Variants in WDR7 observed in about 807,000 individuals in gnomAD.
WDR7 encodes the protein WD repeat-containing protein 7.
WDR7 carries 46 observed loss-of-function variants against 169.4 expected under a neutral mutation model. The observed-to-expected ratio is 0.27, with a 90% CI of 0.21 to 0.35. The LOEUF (loss-of-function observed/expected upper bound fraction) is 0.35. Ranked by LOEUF, WDR7 falls within the 10% of genes least tolerant of loss-of-function variation. The pLI, the probability that WDR7 is intolerant of heterozygous loss-of-function variation, is 1.00. For missense variants in WDR7, 1,534 were observed against 1,859.3 expected (o/e 0.83, Z 3.22); for synonymous variants, 612 against 666.8 (o/e 0.92, Z 1.27).
At chr18:56,908,453 G>T (rs116386195) in intron 21 of WDR7, among the ~76,000 whole-genome samples, 1,625 of 152,178 alleles carry the variant, frequency 0.011, 33 homozygotes, top group African/African-American at 0.035. Flanking sequence ...AAACAATATG[G>T]TGTATTTCAT....
chr18:57,008,679 G>A (rs563788501), intron 26 of WDR7, among the ~76,000 whole-genome samples: 4 of 152,220 alleles, frequency 2.6e-5, no homozygotes, highest in Non-Finnish European at 4.4e-5. Context: ...ATCTCCTGCC[G>A]CTGGACAGAA....
At chr18:57,010,602 G>A (rs774438714) in intron 26 of WDR7, among the ~76,000 whole-genome samples, 28 of 152,024 alleles carry the variant, frequency 1.8e-4, no homozygotes, top group Non-Finnish European at 1.0e-4. Context: ...GGGATTTTTA[G>A]CAAACCTAAT....
At chr18:56,843,201 C>G (rs1248607365) in intron 20 of WDR7, among the ~76,000 whole-genome samples, 3 of 152,172 alleles carry the variant, frequency 2.0e-5, no homozygotes, top group Non-Finnish European at 4.4e-5. Flanking sequence ...CATTAGATCA[C>G]TTTTTTAAAC....
At chr18:56,897,921 A>G (rs1480164378) in intron 21 of WDR7, among the ~76,000 whole-genome samples, 2 of 152,024 alleles carry the variant, frequency 1.3e-5, no homozygotes, top group Admixed American at 6.6e-5. Context: ...GTGGAGACGT[A>G]TATTTCCTAC....
intron 21 of WDR7, among the ~76,000 whole-genome samples, chr18:56,884,219 C>T (rs184328840): frequency 1.7e-4 from 26 of 152,228 alleles, no homozygotes; most frequent in Non-Finnish European, 3.2e-4. Context: ...AAGGTGGTGT[C>T]GCATTGTGGT....
At position 56,669,518 on chromosome 18, in the gene WDR7, T is replaced by C. The variant is rs987143987; in HGVS notation, c.-19-2979T>C. On this transcript the variant is annotated intron_variant, in intron 1 of 27. Transcript: ENST00000254442. ...AGCCAGATTTTGATACAAACATAAA[T>C]GAAAACTCAATGTTCCTAATATTAT... 8.5e-5 allele frequency among the ~76,000 whole-genome samples: 13 copies of C among 152,218 alleles called. No homozygotes were observed. The East Asian group carries it at 2.5e-3, about 29-fold the overall frequency.
intron 21 of WDR7, among the ~76,000 whole-genome samples, chr18:56,919,181 A>C (rs538402634): frequency 2.6e-5 from 4 of 152,342 alleles, no homozygotes; most frequent in African/African-American, 4.8e-5. Context: ...CAATATGTAC[A>C]GCTGACAAAC....
chr18:56,699,110 CAA>C (rs1328192593), intron 12 of WDR7, among the ~76,000 whole-genome samples: 1 of 152,064 alleles, frequency 6.6e-6, no homozygotes, highest in African/African-American at 2.4e-5. Context: ...CTGATAAAGA[CAA>C]AGATACTTGA....
At chr18:56,892,699 A>G (rs1394521330) in intron 21 of WDR7, among the ~76,000 whole-genome samples, 1 of 152,128 alleles carries the variant, frequency 6.6e-6, no homozygotes, top group East Asian at 1.9e-4. Flanking sequence ...AAGACAACAG[A>G]AAACTACCAA....
chr18:56,975,329 A>G (rs565252523), intron 26 of WDR7, among the ~76,000 whole-genome samples: 6 of 152,260 alleles, frequency 3.9e-5, no homozygotes, highest in Non-Finnish European at 2.9e-5. Context: ...GGAGAGGATG[A>G]AGCATCAGCA....
the WDR7 span, chr18:57,034,811 AGAGAGAGAAAGTCTCTCT>A: frequency 7.2e-5 from 11 of 152,200 alleles, no homozygotes; most frequent in African/African-American, 2.6e-4. Context: ...GCTTTCTCTC[AGAGAGAGAAAGTCTCTCT>A]GAGACTCCTT....
intron 21 of WDR7, among the ~76,000 whole-genome samples, chr18:56,909,598 A>G (rs1033988457): frequency 6.6e-6 from 1 of 151,990 alleles, no homozygotes; most frequent in Non-Finnish European, 1.5e-5. Flanking sequence ...GGACATTTTT[A>G]TATGTTTTAT....
chr18:56,798,608 G>T (rs372734241), intron 19 of WDR7, among the ~76,000 whole-genome samples: 2 of 152,114 alleles, frequency 1.3e-5, no homozygotes, highest in Non-Finnish European at 2.9e-5. Context: ...GGAATAGTCT[G>T]TTTATGCTTA....
rs1226348026 is a variant in WDR7 at position 56,700,252 on chromosome 18, C to CTTTT, written c.1578+3810_1578+3813dup. Reference sequence around the variant, plus strand: ...AAAGATACTGTTTATTTTTCATTTTCTTTTTTTTTTTTTTTTTTTTTTTGA... The same window carrying CTTTT: ...AAAGATACTGTTTATTTTTCATTTTCTTTTTTTTTTTTTTTTTTTTTTTTTTTGA... On this transcript the variant is annotated intron_variant, in intron 12 of 27. Transcript: ENST00000254442. Among the ~76,000 whole-genome samples, 183 of 67,250 alleles carry CTTTT rather than the reference C, an allele frequency of 2.7e-3. 3 individuals carry two copies. The highest frequency in any genetic ancestry group is 4.8e-3 in the East Asian group (10 of 2,090). 44.1% of individuals were successfully genotyped at this position (67,250 alleles called of 152,430 possible).
rs537646963 is a variant in WDR7, at chr18:56,987,091, A to G, written c.4164+24562A>G. ...TGTCTGAGTTGCGGATCAAGTTTAC[A>G]ATAACCATGTTCACAATTGTTTTGA... On this transcript the variant is annotated intron_variant, in intron 26 of 27. Coordinates refer to ENST00000254442, the MANE Select transcript of WDR7 (RefSeq NM_015285.3). Among the ~76,000 whole-genome samples, 26 of 152,248 alleles carry G rather than the reference A, an allele frequency of 1.7e-4. No homozygotes were observed. In the South Asian group the frequency reaches 5.4e-3, roughly 32 times the overall value.
intron 1 of WDR7, among the ~76,000 whole-genome samples, chr18:56,670,174 T>G (rs1355697179): frequency 1.3e-5 from 2 of 152,220 alleles, no homozygotes; most frequent in Non-Finnish European, 1.5e-5. Context: ...TCGCTGGTAG[T>G]CCTTTCTAGA....
chr18:56,805,173 C>G (rs1406629696), intron 19 of WDR7, among the ~76,000 whole-genome samples: 1 of 152,134 alleles, frequency 6.6e-6, no homozygotes, highest in Non-Finnish European at 1.5e-5. Flanking sequence ...TAAATTGATA[C>G]CAAAATTAAG....
At chr18:56,875,811 G>C (rs1163383415) in intron 20 of WDR7, among the ~76,000 whole-genome samples, 2 of 152,270 alleles carry the variant, frequency 1.3e-5, no homozygotes, top group African/African-American at 4.8e-5. Flanking sequence ...GCATACACAA[G>C]ACCTGCAATT....
At chr18:56,675,097 A>G (rs1002650656) in intron 2 of WDR7, among the ~76,000 whole-genome samples, 2 of 152,058 alleles carry the variant, frequency 1.3e-5, no homozygotes, top group Admixed American at 1.3e-4. Context: ...TGTTTTATAT[A>G]CTCACTGTCT....
Sources: allele counts gnomAD v4.1 joint callset (sites outside exome capture counted in the v4.1 genomes callset), GRCh38; gene constraint gnomAD v4.1.1; transcripts MANE v1.5; gene names NCBI Gene and HGNC (gene_info 2026-07-23, HGNC 2026-07-21).